Variants in IL7 observed in about 807,000 individuals in gnomAD.
IL7 encodes interleukin-7.
Under a neutral mutation model 21.6 loss-of-function variants are expected in IL7, and 3 were observed. The observed-to-expected ratio is 0.14, with a 90% CI of 0.06 to 0.36. The LOEUF is 0.36. IL7 is among the 10% of genes least tolerant of loss of function. The pLI is 1.00. For missense variants in IL7, 175 were observed against 200.2 expected (o/e 0.87, Z 0.76); for synonymous variants, 62 against 68.1 (o/e 0.91, Z 0.44).
intron 2 of IL7, among the ~76,000 whole-genome samples, chr8:78,759,068 C>A (rs1353938163): frequency 1.4e-5 from 2 of 147,896 alleles, no homozygotes; most frequent in Non-Finnish European, 3.0e-5. Flanking sequence ...CCCCCCCCCA[C>A]CTTTTTTTTT....
At chr8:78,745,854 T>C (rs1309991918) in intron 2 of IL7, among the ~76,000 whole-genome samples, 1 of 152,212 alleles carries the variant, frequency 6.6e-6, no homozygotes, top group Admixed American at 6.5e-5. Context: ...TTGCCTCTTC[T>C]ATCTTCTGGT....
intron 2 of IL7, among the ~76,000 whole-genome samples, chr8:78,765,773 GTCT>G (rs1312324198): frequency 6.6e-6 from 1 of 152,090 alleles, no homozygotes; most frequent in East Asian, 1.9e-4. Flanking sequence ...CAGTTTGGTG[GTCT>G]TCTACAAAAC....
At chr8:78,720,349 G>T (rs773063403) in intron 5 of IL7, among the ~76,000 whole-genome samples, 1 of 151,702 alleles carries the variant, frequency 6.6e-6, no homozygotes, top group Non-Finnish European at 1.5e-5. Flanking sequence ...GAGGTACGTT[G>T]ATTTTTTTCA....
At chr8:78,721,395 G>T (rs1169391840) in exon 4 of IL7, 5 of 151,994 alleles carry the variant, frequency 3.3e-5, no homozygotes, top group Non-Finnish European at 5.9e-5. Context: ...TGTGTGTGTC[G>T]TCCGTTTGAT....
chr8:78,756,286 C>T (rs1024171638), intron 2 of IL7, among the ~76,000 whole-genome samples: 3 of 151,636 alleles, frequency 2.0e-5, no homozygotes, highest in Non-Finnish European at 4.4e-5. Context: ...TTTTGGTTGT[C>T]TCTTTATCTG....
At chr8:78,739,199 G>C (rs1351299100) in intron 3 of IL7, among the ~76,000 whole-genome samples, 1 of 152,082 alleles carries the variant, frequency 6.6e-6, no homozygotes, top group Non-Finnish European at 1.5e-5. Flanking sequence ...CTATGAAATA[G>C]CACACTTGTT....
chr8:78,783,117 C>T (rs1471671338), intron 2 of IL7, among the ~76,000 whole-genome samples: 1 of 152,116 alleles, frequency 6.6e-6, no homozygotes, highest in African/African-American at 2.4e-5. Flanking sequence ...CAGCAGGTAG[C>T]CATAGCGATG....
At chr8:78,771,376 A>T (rs903252261) in intron 2 of IL7, among the ~76,000 whole-genome samples, 2 of 152,164 alleles carry the variant, frequency 1.3e-5, no homozygotes, top group African/African-American at 2.4e-5. Context: ...GGTCTAAGGC[A>T]GTTAAGACCT....
chr8:78,678,839 T>C (rs1184017819), intron 4 of IL7: 2 of 436,242 alleles, frequency 4.6e-6, no homozygotes, highest in Non-Finnish European at 7.7e-6. Context: ...GTTTAGAAAT[T>C]ATCTGAAGCT....
rs1174008248 is a variant in IL7, at chr8:78,701,369, C to T, written n.215-15422G>A. 2.0e-5 allele frequency among the ~76,000 whole-genome samples: 3 copies of T among 152,136 alleles called. No individual in the cohort carries two copies. The East Asian group carries it at 5.8e-4, about 29-fold the overall frequency. On this transcript the variant is annotated intron_variant and non_coding_transcript_variant, in intron 3 of 4. Transcript: ENST00000523959. ...GAATCCTGAGACTTTGCTAAAGTTGCTTATCAGGTTAAGAAGCTTTTGGGC... is the reference window on the plus strand; with the variant it reads ...GAATCCTGAGACTTTGCTAAAGTTGTTTATCAGGTTAAGAAGCTTTTGGGC...
intron 2 of IL7, among the ~76,000 whole-genome samples, chr8:78,793,700 C>T (rs903712893): frequency 6.6e-6 from 1 of 151,980 alleles, no homozygotes; most frequent in Non-Finnish European, 1.5e-5. Context: ...ATGAAGTTTG[C>T]CACATAGATT....
intron 2 of IL7, chr8:78,762,004 G>C: frequency 1.2e-6 from 2 of 1,602,422 alleles, no homozygotes; most frequent in Non-Finnish European, 1.7e-6. Context: ...CCTCTTCTTC[G>C]CTGGGGTTCT....
In IL7 at chr8:78,740,139, G is replaced by T. The variant is rs1011824398; in HGVS notation, c.148-57C>A. 59 of 998,978 alleles carry T rather than the reference G, an allele frequency of 5.9e-5. No homozygotes were observed. In the African/African-American group the frequency reaches 7.3e-4, roughly 12 times the overall value. The allele number at this position is 998,978 out of a possible 1,614,324, so 61.9% of individuals were successfully genotyped here. On this transcript the variant is annotated intron_variant, in intron 2 of 5. Coordinates refer to ENST00000263851, the MANE Select transcript of IL7 (RefSeq NM_000880.4). ...AAACTGAGTACTTTTCTAATATCTT[G>T]TAATTATAAAAAATAATAATCTTAT... is the stretch of plus-strand genomic sequence containing the variant.
intron 1 of IL7, among the ~76,000 whole-genome samples, 154 bp from the exon 2 acceptor site, chr8:78,798,362 T>C (rs1453283076): frequency 3.9e-5 from 6 of 152,218 alleles, no homozygotes; most frequent in Admixed American, 2.0e-4. Flanking sequence ...GTTGAACTTA[T>C]GTAACAACCA....
At chr8:78,798,044 A>G (rs989834821) in intron 2 of IL7, 28 bp downstream of exon 2, 6 of 1,566,880 alleles carry the variant, frequency 3.8e-6, no homozygotes, top group Non-Finnish European at 5.2e-6. Context: ...ATGCATGAAA[A>G]TGTGAGTAAA....
chr8:78,798,965 C>T (rs536628597), intron 1 of IL7, among the ~76,000 whole-genome samples: 1 of 152,042 alleles, frequency 6.6e-6, no homozygotes, highest in East Asian at 1.9e-4. Context: ...ATAACTCTTC[C>T]CAATTAGGAG....
chr8:78,798,757 C>T (rs1813953059), intron 1 of IL7, among the ~76,000 whole-genome samples: 3 of 152,004 alleles, frequency 2.0e-5, no homozygotes, highest in Admixed American at 1.3e-4. Flanking sequence ...GAAGGGTTTA[C>T]ATTCCCAAAA....
In IL7 at chr8:78,805,050, C is replaced by A; in HGVS notation, c.-128G>T. 1 of 1,004,444 alleles carries A rather than the reference C, an allele frequency of 1.0e-6. No individual in the cohort carries two copies. Among genetic ancestry groups the A allele is most frequent in the Non-Finnish European group, 1.5e-6 (1 of 678,892 alleles). The allele number at this position is 1,004,444 out of a possible 1,614,324, so 62.2% of individuals were successfully genotyped here. The stretch of plus-strand genomic sequence containing the variant: ...CCGAGTCTGTGTTGGGCAGGGTGAT[C>A]TCTGCAGCTGGTTCCTCTTACCCAC... On this transcript the variant is annotated 5_prime_UTR_variant, in exon 1 of 6. Transcript: ENST00000263851.
In IL7 at chr8:78,733,510, T is replaced by G. The variant is rs1486502911; in HGVS notation, c.*203A>C. 2.1e-6 allele frequency: 1 copy of G among 465,262 alleles called. No individual in the cohort carries two copies. The highest frequency in any genetic ancestry group is 2.1e-5 in the African/African-American group (1 of 48,436). 28.8% of individuals were successfully genotyped at this position (465,262 alleles called of 1,614,324 possible). A position where few individuals can be genotyped will look rare whatever the true frequency, so the allele number is the denominator to read the frequency against. On this transcript the variant is annotated 3_prime_UTR_variant, in exon 6 of 6. Transcript: ENST00000263851. ...ATGTTCACATATATAAGAAATAGTT[T>G]GTTGACTGGAGCATTCAGTTTCCAT...
Sources: allele counts gnomAD v4.1 joint callset (sites outside exome capture counted in the v4.1 genomes callset), GRCh38; gene constraint gnomAD v4.1.1; transcripts MANE v1.5; gene names NCBI Gene and HGNC (gene_info 2026-07-23, HGNC 2026-07-21).